Variants in CYP3A43 observed in about 807,000 individuals in gnomAD.
CYP3A43 encodes the protein cytochrome P450 family 3 subfamily A member 43.
CYP3A43 carries 45 observed loss-of-function variants against 58.0 expected under a neutral mutation model. The observed-to-expected ratio is 0.78, with a 90% CI of 0.61 to 0.99. The LOEUF (loss-of-function observed/expected upper bound fraction) is 0.99, where lower values mean the gene tolerates loss of function less well. Ranked by LOEUF, CYP3A43 falls within the 50% of genes least tolerant of loss-of-function variation. CYP3A43 has a pLI of 0.00. For synonymous variants in CYP3A43, 191 were observed against 201.4 expected (o/e 0.95, Z 0.44); for missense variants, 593 against 591.9 (o/e 1.00, Z -0.02).
rs746142784 is a variant in CYP3A43 at position 99,856,836 on chromosome 7, C to G, written c.802C>G (p.Arg268Gly). The G allele has an allele frequency of 2.6e-5, 42 of 1,613,886 alleles. No homozygotes were observed. Among genetic ancestry groups the G allele is most frequent in the Non-Finnish European group, 3.6e-5 (42 of 1,179,960 alleles). Residue 268 changes from arginine to glycine, a missense_variant, in exon 9 of 13, where the codon CGA (arginine) becomes GGA (glycine). Coordinates refer to ENST00000354829, the MANE Select transcript of CYP3A43 (RefSeq NM_057095.3). ...ESRLKDKQKH[R>G]VDFFQQMIDS... is the part of the protein sequence containing the mutation. ...AAATTTCTCTTTTTGCTTCCAGCAT[C>G]GAGTAGATTTCTTTCAACAGATGAT...
chr7:99,843,552 A>C (rs1423870228), intron 3 of CYP3A43, among the ~76,000 whole-genome samples: 1 of 151,704 alleles, frequency 6.6e-6, no homozygotes, highest in East Asian at 1.9e-4. Flanking sequence ...TGCAACCTCC[A>C]CCTCCCGGGT....
At chr7:99,848,035 C>A in intron 5 of CYP3A43, 131 bp from the exon 6 acceptor site, 1 of 916,614 alleles carries the variant, frequency 1.1e-6, no homozygotes, top group Non-Finnish European at 1.7e-6. Context: ...AGGGGGCGGT[C>A]TTTTCTATTT....
At chr7:99,853,628 C>G (rs1485067285) in intron 7 of CYP3A43, among the ~76,000 whole-genome samples, 1 of 152,158 alleles carries the variant, frequency 6.6e-6, no homozygotes, top group Non-Finnish European at 1.5e-5. Flanking sequence ...ACGATGTTGG[C>G]TCACTGCAAC....
At chr7:99,857,063 A>G (rs1473047822) in intron 9 of CYP3A43, among the ~76,000 whole-genome samples, 164 bp downstream of exon 9, 3 of 152,196 alleles carry the variant, frequency 2.0e-5, no homozygotes, top group Non-Finnish European at 4.4e-5. Context: ...ACTTTCTAGA[A>G]GCACACAGGC....
intron 7 of CYP3A43, chr7:99,850,097 C>T (rs1309553421): frequency 9.8e-6 from 4 of 407,960 alleles, no homozygotes; most frequent in Non-Finnish European, 1.9e-5. Context: ...GCTGGGATTA[C>T]AGGTACACAC....
At chr7:99,830,373 C>G (rs1036374) in intron 1 of CYP3A43, among the ~76,000 whole-genome samples, 4 of 152,066 alleles carry the variant, frequency 2.6e-5, no homozygotes, top group Non-Finnish European at 5.9e-5. Flanking sequence ...CAAAAATTAG[C>G]TGGGTGTGGT....
At chr7:99,861,523 G>T in intron 10 of CYP3A43, 90 bp from the exon 11 acceptor site, 2 of 1,056,934 alleles carry the variant, frequency 1.9e-6, no homozygotes, top group Non-Finnish European at 2.8e-6. Flanking sequence ...TTATTCTCTG[G>T]AGCTCCTAAC....
At chr7:99,838,765 A>G in intron 2 of CYP3A43, 1 of 880,212 alleles carries the variant, frequency 1.1e-6, no homozygotes. Context: ...GGATCACCTA[A>G]GGTCAGGAGT....
In CYP3A43 at chr7:99,863,547, A is replaced by G. The variant is rs747825001; in HGVS notation, c.1264A>G (p.Lys422Glu). 8.1e-6 allele frequency: 13 copies of G among 1,596,952 alleles called. No individual in the cohort carries two copies. The highest frequency in any genetic ancestry group is 6.8e-6 in the Non-Finnish European group (8 of 1,174,806). ...EKFCPERFSK[K>E]NKDSIDLYRY... ...CTACTGTGAAAGTAGGTTCAGTAAG[A>G]AGAACAAGGACAGCATAGATCTTTA... is the stretch of plus-strand genomic sequence containing the variant. Residue 422 changes from lysine to glutamate, a missense_variant, in exon 12 of 13, where the codon AAG becomes GAG. Coordinates refer to ENST00000354829, the MANE Select transcript of CYP3A43 (RefSeq NM_057095.3).
intron 6 of CYP3A43, among the ~76,000 whole-genome samples, chr7:99,848,601 G>A (rs487813): frequency 0.19 from 29,658 of 152,128 alleles, 5,829 homozygotes; most frequent in African/African-American, 0.51. Flanking sequence ...AGGGGAAGGT[G>A]TTTGATAGCT....
intron 11 of CYP3A43, among the ~76,000 whole-genome samples, chr7:99,862,769 G>T (rs900377990): frequency 6.6e-6 from 1 of 152,194 alleles, no homozygotes; most frequent in Non-Finnish European, 1.5e-5. Context: ...TGTTAGGCAT[G>T]CTGTCTCTAC....
In CYP3A43 at chr7:99,850,828, G is replaced by C. The variant is rs561954376; in HGVS notation, c.670+1134G>C. On this transcript the variant is annotated intron_variant, in intron 7 of 12. Coordinates refer to ENST00000354829, the MANE Select transcript of CYP3A43 (RefSeq NM_057095.3). The stretch of plus-strand genomic sequence containing the variant: ...TTAATTCATGTTGAAACATGGATCA[G>C]TACTTCATTTCTTTTTATGACCAAA... Among the ~76,000 whole-genome samples the C allele has an allele frequency of 2.0e-5, 3 of 152,292 alleles. No individual in the cohort carries two copies. The South Asian group carries it at 6.2e-4, about 32-fold the overall frequency.
In CYP3A43 at chr7:99,847,562, A is replaced by G; in HGVS notation, c.393A>G (p.Thr131=). The change falls in exon 5 of 13, where the codon ACA becomes ACG. Residue 131 remains threonine, a synonymous_variant. Coordinates refer to ENST00000354829, the MANE Select transcript of CYP3A43 (RefSeq NM_057095.3). ...AEDEEWKRIR[T]LLSPAFTSVK... ...ATGAAGAATGGAAGAGAATACGAAC[A>G]TTGCTATCTCCAGCTTTCACCAGTG... 6.2e-7 allele frequency: 1 copy of G among 1,614,022 alleles called. No homozygotes were observed. Among genetic ancestry groups the G allele is most frequent in the Non-Finnish European group, 8.5e-7 (1 of 1,179,944 alleles).
intron 7 of CYP3A43, among the ~76,000 whole-genome samples, chr7:99,854,528 T>A (rs1817899079): frequency 6.6e-6 from 1 of 152,112 alleles, no homozygotes; most frequent in African/African-American, 2.4e-5. Context: ...AGGAACCAAT[T>A]TTTGGTTTTC....
intron 11 of CYP3A43, 71 bp downstream of exon 11, chr7:99,861,910 C>G: frequency 7.6e-7 from 1 of 1,323,722 alleles, no homozygotes; most frequent in Non-Finnish European, 1.1e-6. Flanking sequence ...TCTCTCGATG[C>G]ACATGGCAAT....
intron 8 of CYP3A43, among the ~76,000 whole-genome samples, chr7:99,856,519 T>A (rs1447199700): frequency 6.6e-6 from 1 of 152,228 alleles, no homozygotes; most frequent in Non-Finnish European, 1.5e-5. Context: ...CAAGAAATTA[T>A]GACTAGAGAA....
chr7:99,844,132 C>T lies in CYP3A43; in HGVS notation c.219-11C>T. 6.2e-7 allele frequency: 1 copy of T among 1,606,924 alleles called. No individual in the cohort carries two copies. Among genetic ancestry groups the T allele is most frequent in the Non-Finnish European group, 8.5e-7 (1 of 1,176,430 alleles). On this transcript the variant is annotated splice_polypyrimidine_tract_variant and intron_variant, in intron 3 of 12. Transcript: ENST00000354829. The stretch of plus-strand genomic sequence containing the variant: ...AGCGAGGTTTAGTCAGCTCTGTTTT[C>T]CCCCACACAGGCTGTATGAGGGGCA...
intron 10 of CYP3A43, among the ~76,000 whole-genome samples, chr7:99,861,240 T>G (rs1818218064): frequency 6.6e-6 from 1 of 152,216 alleles, no homozygotes; most frequent in South Asian, 2.1e-4. Flanking sequence ...ATTTTCTTTT[T>G]CCTTGGTACA....
Position 99,848,155 on chromosome 7 carries a change from T to G in CYP3A43, c.433-11T>G, listed in dbSNP as rs200952381. Reference sequence around the variant, plus strand: ...TCTGCGTAGTTAACTATGGGTGGTGTTGTGTTTTAGATGGTCCCCATCATT... The same window carrying G: ...TCTGCGTAGTTAACTATGGGTGGTGGTGTGTTTTAGATGGTCCCCATCATT... On this transcript the variant is annotated splice_polypyrimidine_tract_variant and intron_variant, in intron 5 of 12. Transcript: ENST00000354829. 37 of 1,613,774 alleles carry G rather than the reference T, an allele frequency of 2.3e-5. No homozygotes were observed. The highest frequency in any genetic ancestry group is 1.6e-4 in the Middle Eastern group (1 of 6,062).
Sources: allele counts gnomAD v4.1 joint callset (sites outside exome capture counted in the v4.1 genomes callset), GRCh38; gene constraint gnomAD v4.1.1; transcripts MANE v1.5; gene names NCBI Gene and HGNC (gene_info 2026-07-23, HGNC 2026-07-21).